EPB41L5: variants seen among roughly 807,000 people sequenced by gnomAD.
EPB41L5 encodes band 4.1-like protein 5.
EPB41L5 carries 55 observed loss-of-function variants against 106.6 expected under a neutral mutation model. That is an observed-to-expected ratio of 0.52 (90% CI 0.42 to 0.65). The LOEUF (loss-of-function observed/expected upper bound fraction) is 0.65, where lower values mean the gene tolerates loss of function less well. Among genes scored for constraint, EPB41L5 ranks in the 30% least tolerant of loss-of-function variants. EPB41L5 has a pLI of 0.00. For missense variants in EPB41L5, 871 were observed against 882.1 expected, an observed-to-expected ratio of 0.99 and a Z score of 0.16; for synonymous variants, 297 against 306.7, an observed-to-expected ratio of 0.97 and a Z score of 0.33.
intron 24 of EPB41L5, among the ~76,000 whole-genome samples, chr2:120,174,176 C>G (rs961328453): frequency 3.3e-5 from 5 of 152,152 alleles, no homozygotes; most frequent in Admixed American, 2.6e-4. Context: ...AAACACAGGG[C>G]TGGGTGCAGA....
chr2:120,109,463 G>C (rs1044815095), intron 16 of EPB41L5, among the ~76,000 whole-genome samples: 4 of 152,062 alleles, frequency 2.6e-5, no homozygotes, highest in Non-Finnish European at 5.9e-5. Flanking sequence ...GGTCTTCTCT[G>C]TACTCCCACC....
rs992428273 is a variant in EPB41L5, at chr2:120,077,429, G to C, written c.714+113G>C. ...TGGAGTTTGCATAAGCTAGCACTGG[G>C]TACTTTGGATGTATGGTTAAAAAGT... On this transcript the variant is annotated intron_variant, in intron 9 of 24. Coordinates refer to ENST00000263713, the MANE Select transcript of EPB41L5 (RefSeq NM_020909.4). The C allele has an allele frequency of 8.7e-6, 6 of 690,646 alleles. No homozygotes were observed. The South Asian group carries it at 1.2e-4, about 13-fold the overall frequency. The allele number at this position is 690,646 out of a possible 1,614,324, so 42.8% of individuals were successfully genotyped here. A position where few individuals can be genotyped will look rare whatever the true frequency, so the allele number is the denominator to read the frequency against.
At chr2:120,139,751 G>GTACAGAAA (rs1039340999) in intron 18 of EPB41L5, among the ~76,000 whole-genome samples, 1 of 151,254 alleles carries the variant, frequency 6.6e-6, no homozygotes, top group Non-Finnish European at 1.5e-5. Context: ...TAGTACAGAA[G>GTACAGAAA]TACAGAGTGC....
chr2:120,141,088 T>A (rs1686153316), intron 18 of EPB41L5, among the ~76,000 whole-genome samples: 1 of 152,070 alleles, frequency 6.6e-6, no homozygotes, highest in South Asian at 2.1e-4. Flanking sequence ...TGTAGAGAGA[T>A]CACATCCGGC....
At chr2:120,046,095 T>C (rs1381666503) in intron 3 of EPB41L5, among the ~76,000 whole-genome samples, 1 of 152,170 alleles carries the variant, frequency 6.6e-6, no homozygotes, top group African/African-American at 2.4e-5. Flanking sequence ...TTTGCCATTG[T>C]GAATAGTGCC....
chr2:120,038,468 A>C (rs1422488384), intron 2 of EPB41L5, among the ~76,000 whole-genome samples: 1 of 152,228 alleles, frequency 6.6e-6, no homozygotes, highest in Non-Finnish European at 1.5e-5. Flanking sequence ...ACAGTTTGAC[A>C]GTTTCTCAAA....
chr2:120,041,023 A>T (rs1354879122), intron 2 of EPB41L5, among the ~76,000 whole-genome samples: 2 of 152,210 alleles, frequency 1.3e-5, no homozygotes, highest in South Asian at 4.1e-4. Flanking sequence ...TATACCTACC[A>T]ATAGTTACAG....
intron 2 of EPB41L5, among the ~76,000 whole-genome samples, chr2:120,024,930 A>G (rs543326073): frequency 6.6e-6 from 1 of 152,282 alleles, no homozygotes; most frequent in Admixed American, 6.5e-5. Flanking sequence ...GGATTTTCGC[A>G]TCGATGTTCA....
intron 3 of EPB41L5, 63 bp downstream of exon 3, chr2:120,042,173 T>C (rs1679445550): frequency 4.1e-6 from 5 of 1,228,760 alleles, no homozygotes; most frequent in South Asian, 1.2e-5. Context: ...TCAGATGATA[T>C]ACTAATTGCT....
At chr2:120,074,298 C>T (rs1682080036) in intron 5 of EPB41L5, 120 bp downstream of exon 5, 3 of 645,940 alleles carry the variant, frequency 4.6e-6, no homozygotes, top group Non-Finnish European at 7.9e-6. Flanking sequence ...GGTAACAAGA[C>T]CTCAAATAAT....
At chr2:120,135,987 T>C (rs1305758592) in intron 18 of EPB41L5, among the ~76,000 whole-genome samples, 1 of 149,802 alleles carries the variant, frequency 6.7e-6, no homozygotes, top group Admixed American at 6.8e-5. Flanking sequence ...TTCATATCTT[T>C]AGTAGGAAGG....
chr2:120,095,206 G>T (rs1487395624), intron 14 of EPB41L5, among the ~76,000 whole-genome samples: 1 of 152,096 alleles, frequency 6.6e-6, no homozygotes, highest in East Asian at 1.9e-4. Flanking sequence ...ATTTGGGGTA[G>T]GTATGTATGT....
intron 10 of EPB41L5, among the ~76,000 whole-genome samples, chr2:120,081,011 A>C (rs1249380979): frequency 6.6e-5 from 10 of 151,794 alleles, no homozygotes. Context: ...AGATATTAGC[A>C]CTTTGTCAGA....
rs200607738 is a variant in EPB41L5, at chr2:120,069,508, C to T, written c.286-3670C>T. On this transcript the variant is annotated intron_variant, in intron 3 of 24. Transcript: ENST00000263713. ...TACAGAACTCTCCACCCCAGATCAGCAGAATATACATTCTTCTCATCACTA... is the reference window on the plus strand; with the variant it reads ...TACAGAACTCTCCACCCCAGATCAGTAGAATATACATTCTTCTCATCACTA... Among the ~76,000 whole-genome samples, 5 of 152,286 alleles carry T rather than the reference C, an allele frequency of 3.3e-5. No homozygotes were observed. The East Asian group carries it at 9.7e-4, about 29-fold the overall frequency.
chr2:120,037,042 T>C (rs1679080801), intron 2 of EPB41L5, among the ~76,000 whole-genome samples: 1 of 151,858 alleles, frequency 6.6e-6, no homozygotes, highest in Non-Finnish European at 1.5e-5. Flanking sequence ...AATAAAATTA[T>C]CTCTATTTAA....
intron 4 of EPB41L5, among the ~76,000 whole-genome samples, chr2:120,073,787 CAT>C (rs1303703178): frequency 2.0e-5 from 3 of 152,112 alleles, no homozygotes; most frequent in Admixed American, 6.6e-5. Flanking sequence ...CAGTTAATAA[CAT>C]AGGCATTCTT....
rs540807344 is a variant in EPB41L5 at position 120,123,677 on chromosome 2, T to A, written c.1338-4011T>A. Reference sequence around the variant, plus strand: ...TTTTTTTTTTTTTTTTTTTTTTTGATACAGGGTCTCACTCCTGTTGCCCAG... The same window carrying A: ...TTTTTTTTTTTTTTTTTTTTTTTGAAACAGGGTCTCACTCCTGTTGCCCAG... On this transcript the variant is annotated intron_variant, in intron 16 of 24. Transcript: ENST00000263713. 5.2e-5 allele frequency among the ~76,000 whole-genome samples: 6 copies of A among 116,006 alleles called. No individual in the cohort carries two copies. In the South Asian group the frequency reaches 1.5e-3, roughly 29 times the overall value. The allele number at this position is 116,006 out of a possible 152,430, so 76.1% of individuals were successfully genotyped here. A position where few individuals can be genotyped will look rare whatever the true frequency, so the allele number is the denominator to read the frequency against.
Position 120,033,329 on chromosome 2 carries a change from T to A in EPB41L5, c.181-8677T>A, listed in dbSNP as rs61435052. 7.7e-3 allele frequency among the ~76,000 whole-genome samples: 1,169 copies of A among 152,352 alleles called. 12 individuals carry two copies. Among genetic ancestry groups the A allele is most frequent in the African/African-American group, 0.027 (1,107 of 41,578 alleles). On this transcript the variant is annotated intron_variant, in intron 2 of 24. Coordinates refer to ENST00000263713, the MANE Select transcript of EPB41L5 (RefSeq NM_020909.4). ...GAAGGCTAGACTCAATGAAGTTTTT[T>A]AAAAATTACATGCTATCTCTAAAAG...
chr2:120,110,307 C>G (rs1159808651), intron 16 of EPB41L5, among the ~76,000 whole-genome samples: 1 of 152,156 alleles, frequency 6.6e-6, no homozygotes, highest in Non-Finnish European at 1.5e-5. Context: ...TGTTTTTAAT[C>G]CCCTTTGCTA....
Sources: allele counts gnomAD v4.1 joint callset (sites outside exome capture counted in the v4.1 genomes callset), GRCh38; gene constraint gnomAD v4.1.1; transcripts MANE v1.5; gene names NCBI Gene and HGNC (gene_info 2026-07-23, HGNC 2026-07-21).